The following WDR35 variants were observed in gnomAD, a reference collection of about 807,000 sequenced individuals.
WDR35 encodes the protein WD repeat domain 35, also known as WD repeat-containing protein 35.
Under a neutral mutation model 158.3 loss-of-function variants are expected in WDR35, and 118 were observed. That is an observed-to-expected ratio of 0.75 (90% CI 0.64 to 0.87). The LOEUF is 0.87. Ranked by LOEUF, WDR35 falls within the 40% of genes least tolerant of loss-of-function variation. The pLI is 0.00. For synonymous variants in WDR35, 448 were observed against 476.1 expected, an observed-to-expected ratio of 0.94 and a Z score of 0.77; for missense variants, 1,263 against 1,405.8, an observed-to-expected ratio of 0.90 and a Z score of 1.62.
chr2:19,973,118 A>G (rs1182758259), intron 8 of WDR35, among the ~76,000 whole-genome samples: 1 of 152,138 alleles, frequency 6.6e-6, no homozygotes, highest in East Asian at 1.9e-4. Flanking sequence ...ACTTTGCAAC[A>G]AATTAAAAGT....
At chr2:19,976,688 CTTTTTTTTTT>C (rs34211947) in intron 5 of WDR35, among the ~76,000 whole-genome samples, 1 of 139,436 alleles carries the variant, frequency 7.2e-6, no homozygotes, top group African/African-American at 2.7e-5. Flanking sequence ...CCAATTGATA[CTTTTTTTTTT>C]TTTTTTTTAC....
At chr2:19,916,662 G>A (rs1370686666) in intron 25 of WDR35, among the ~76,000 whole-genome samples, 1 of 152,152 alleles carries the variant, frequency 6.6e-6, no homozygotes, top group Non-Finnish European at 1.5e-5. Flanking sequence ...GCTCAGCAAG[G>A]CCCCTGCAGC....
intron 14 of WDR35, among the ~76,000 whole-genome samples, 156 bp from the exon 15 acceptor site, chr2:19,946,726 T>C (rs536292799): frequency 1.6e-4 from 24 of 152,326 alleles, no homozygotes; most frequent in Middle Eastern, 3.4e-3. Flanking sequence ...TAAGTACATA[T>C]TTACCTACTA....
intron 1 of WDR35, 114 bp downstream of exon 1, chr2:19,989,878 G>A (rs1482204001): frequency 1.5e-5 from 23 of 1,526,696 alleles, no homozygotes; most frequent in Non-Finnish European, 2.1e-5. Context: ...GCTGCGGAAT[G>A]GCGAAGCCAC....
chr2:19,949,615 C>T (rs974769851), intron 13 of WDR35, among the ~76,000 whole-genome samples: 3 of 152,192 alleles, frequency 2.0e-5, no homozygotes, highest in Admixed American at 6.5e-5. Context: ...TAGCCACATA[C>T]GGCTAATGGC....
chr2:19,930,085 T>C (rs1210805450), intron 25 of WDR35, among the ~76,000 whole-genome samples: 1 of 150,100 alleles, frequency 6.7e-6, no homozygotes, highest in Non-Finnish European at 1.5e-5. Context: ...TTAATAGATA[T>C]ATGTATATAT....
chr2:19,929,679 T>C (rs989294156), intron 25 of WDR35, among the ~76,000 whole-genome samples: 21 of 152,232 alleles, frequency 1.4e-4, no homozygotes, highest in African/African-American at 4.3e-4. Flanking sequence ...AATGTTTATA[T>C]AGATCTCTGT....
chr2:19,958,841 C>T (rs557930864), intron 11 of WDR35, among the ~76,000 whole-genome samples: 50 of 152,262 alleles, frequency 3.3e-4, no homozygotes, highest in African/African-American at 1.2e-3. Context: ...ATACCTAACT[C>T]TCATGTGTAG....
chr2:19,939,809 A>G (rs1352525201), intron 17 of WDR35, among the ~76,000 whole-genome samples: 3 of 152,052 alleles, frequency 2.0e-5, no homozygotes, highest in Admixed American at 6.6e-5. Flanking sequence ...CAATTTAACC[A>G]ACACTTTCTG....
At chr2:19,960,993 G>A (rs1025883317) in intron 10 of WDR35, among the ~76,000 whole-genome samples, 4 of 152,056 alleles carry the variant, frequency 2.6e-5, no homozygotes, top group Admixed American at 6.6e-5. Context: ...CAAAATAAAC[G>A]TGCACTAACT....
chr2:19,912,247 T>C lies in WDR35; in HGVS notation c.*1311A>G, dbSNP rs1257708432. 1.3e-5 allele frequency: 2 copies of C among 152,228 alleles called. No individual in the cohort carries two copies. The allele number at this position is 152,228 out of a possible 1,614,324, so 9.4% of individuals were successfully genotyped here. A position where few individuals can be genotyped will look rare whatever the true frequency, so the allele number is the denominator to read the frequency against. On this transcript the variant is annotated 3_prime_UTR_variant, in exon 27 of 27. Transcript: ENST00000281405. ...ATGTATTTTGAGAATTTTTATTTGG[T>C]TTATAAGGCTTTCTGTTCCATGACC... is the stretch of plus-strand genomic sequence containing the variant.
chr2:19,953,206 T>A (rs1381321703), intron 12 of WDR35, among the ~76,000 whole-genome samples: 1 of 152,118 alleles, frequency 6.6e-6, no homozygotes, highest in Non-Finnish European at 1.5e-5. Context: ...CAATATAACT[T>A]ACAAAACACA....
intron 3 of WDR35, among the ~76,000 whole-genome samples, chr2:19,981,599 C>T (rs1443910858): frequency 2.0e-5 from 3 of 152,126 alleles, no homozygotes; most frequent in African/African-American, 7.2e-5. Context: ...CTCACTGCAG[C>T]CTCCAACTCA....
rs770189829 is a variant in WDR35 at position 19,937,817 on chromosome 2, C to G, written c.2193G>C (p.Met731Ile). The part of the protein sequence containing the change: ...KRLGKLLSES[M>I]KQAEVVGYFG... ...AGTAGCCAACAACTTCAGCCTGTTT[C>G]ATTGACTCACTCAGTAGTTTGCCCA... The change falls in exon 19 of 27, where the codon ATG becomes ATC. Residue 731 changes from methionine (M) to isoleucine (I), a missense_variant. By Grantham distance (10) the Met-to-Ile change is conservative. Transcript: ENST00000281405. The G allele has an allele frequency of 4.3e-6, 7 of 1,614,024 alleles. No homozygotes were observed. Among genetic ancestry groups the G allele is most frequent in the Non-Finnish European group, 4.2e-6 (5 of 1,180,012 alleles).
At chr2:19,956,085 G>A (rs1020482956) in intron 11 of WDR35, among the ~76,000 whole-genome samples, 4 of 152,084 alleles carry the variant, frequency 2.6e-5, no homozygotes, top group African/African-American at 9.7e-5. Flanking sequence ...GTCAGGCTGC[G>A]CTCTCCTTTC....
intron 5 of WDR35, among the ~76,000 whole-genome samples, chr2:19,978,315 C>A (rs1672273968): frequency 6.6e-6 from 1 of 151,836 alleles, no homozygotes. Flanking sequence ...CTCAGAAGAC[C>A]CAGTTTTATC....
chr2:19,913,809 G>A, intron 26 of WDR35, 101 bp from the exon 27 acceptor site: 3 of 1,510,626 alleles, frequency 2.0e-6, no homozygotes, highest in Non-Finnish European at 2.7e-6. Context: ...AAACTTCTGA[G>A]ATGAACATCA....
Position 19,931,377 on chromosome 2 carries a change from T to C in WDR35, c.2856A>G (p.Lys952=), listed in dbSNP as rs755843830. The C allele has an allele frequency of 5.6e-6, 9 of 1,613,350 alleles. No homozygotes were observed. The highest frequency in any genetic ancestry group is 7.6e-6 in the Non-Finnish European group (9 of 1,179,690). The change falls in exon 24 of 27, where the codon AAA becomes AAG. Residue 952 remains lysine, a synonymous_variant. Transcript: ENST00000281405. ...CATAGAGCTTCTTGACACGTAAAGG[T>C]TTACTTCCTTTCTTTGCCTCTTCAT... is the stretch of plus-strand genomic sequence containing the variant. The part of the protein sequence containing the change: ...IADEEAKKGS[K]PLRVKKLYVL...
chr2:19,932,286 A>C lies in WDR35; in HGVS notation c.2820T>G (p.Phe940Leu). The C allele has an allele frequency of 6.2e-7, 1 of 1,613,234 alleles. No homozygotes were observed. The highest frequency in any genetic ancestry group is 1.1e-5 in the South Asian group (1 of 91,068). The change falls in exon 23 of 27, where the codon TTT becomes TTG. Residue 940 changes from phenylalanine to leucine, a missense_variant. Transcript: ENST00000281405. ...NYFFDAAKLM[F>L]KIADEEAKKG... ...TTCACCAAGATTTTTACATTACCTT[A>C]AACATCAGTTTAGCTGCATCAAAAA...
Sources: gnomAD v4.1 joint callset for allele counts (sites outside exome capture counted in the v4.1 genomes callset) on GRCh38, gnomAD v4.1.1 for gene constraint, MANE v1.5 for transcripts, NCBI Gene and HGNC (gene_info 2026-07-23, HGNC 2026-07-21) for gene names.